UGT1A10: variants seen among roughly 807,000 people sequenced by gnomAD.
UGT1A10 encodes the protein UDP-glucuronosyltransferase 1A10.
Under a neutral mutation model 45.8 loss-of-function variants are expected in UGT1A10, and 49 were observed. The observed-to-expected ratio is 1.07, with a 90% confidence interval of 0.85 to 1.36. The LOEUF is 1.36. Ranked by LOEUF, UGT1A10 falls within the 40% of genes most tolerant of loss-of-function variation. The pLI, the probability that UGT1A10 is intolerant of heterozygous loss-of-function variation, is 0.00. For missense variants in UGT1A10, 745 were observed against 668.6 expected (o/e 1.11, Z -1.26); for synonymous variants, 284 against 249.7 (o/e 1.14, Z -1.29).
chr2:233,649,651 C>CTT (rs1166387556), intron 1 of UGT1A10, among the ~76,000 whole-genome samples: 3 of 152,172 alleles, frequency 2.0e-5, no homozygotes, highest in Non-Finnish European at 4.4e-5. Flanking sequence ...GCATAAAAGT[C>CTT]TTTACTTTGG....
intron 1 of UGT1A10, chr2:233,672,894 A>G (rs1354580302): frequency 6.6e-7 from 1 of 1,513,026 alleles, no homozygotes; most frequent in African/African-American, 1.4e-5. Flanking sequence ...TTTCATTTCA[A>G]ATTTCTTTCC....
rs199947040 is a variant in UGT1A10 at position 233,743,509 on chromosome 2, G to A, written c.856-23525G>A. On this transcript the variant is annotated intron_variant, in intron 1 of 4. Transcript: ENST00000344644. ...GAAGGCAGAGAAAAGGGGTGCAGAC[G>A]CTCTGCTTCTGCTTCCCCAGCAGTT... 3.6e-5 allele frequency: 49 copies of A among 1,367,172 alleles called. 1 individual carries two copies. The South Asian group carries it at 4.7e-4, about 13-fold the overall frequency. The allele number at this position is 1,367,172 out of a possible 1,614,324, so 84.7% of individuals were successfully genotyped here.
chr2:233,716,352 G>C (rs1407267545), intron 1 of UGT1A10, among the ~76,000 whole-genome samples: 1 of 152,166 alleles, frequency 6.6e-6, no homozygotes, highest in African/African-American at 2.4e-5. Context: ...CTACAATGTA[G>C]ATACTTTGTG....
chr2:233,663,577 A>G (rs901861530), intron 1 of UGT1A10, among the ~76,000 whole-genome samples: 2 of 152,208 alleles, frequency 1.3e-5, no homozygotes, highest in Non-Finnish European at 2.9e-5. Flanking sequence ...CGTAACCTCC[A>G]TCTGCATGAA....
chr2:233,720,719 T>G (rs77826548), intron 1 of UGT1A10, among the ~76,000 whole-genome samples: 1 of 151,710 alleles, frequency 6.6e-6, no homozygotes, highest in African/African-American at 2.4e-5. Flanking sequence ...TTTTTTTTTT[T>G]TCTTGAGACT....
At chr2:233,764,036 G>T (rs905956037) in intron 1 of UGT1A10, among the ~76,000 whole-genome samples, 5 of 152,136 alleles carry the variant, frequency 3.3e-5, no homozygotes, top group Non-Finnish European at 7.4e-5. Flanking sequence ...TGCTAAAGAA[G>T]AATTCTGGGA....
At chr2:233,725,746 A>G (rs561123272) in intron 1 of UGT1A10, among the ~76,000 whole-genome samples, 3 of 152,340 alleles carry the variant, frequency 2.0e-5, no homozygotes, top group African/African-American at 7.2e-5. Context: ...AAACATTGTA[A>G]GAGACTTACA....
At chr2:233,715,494 CA>C (rs1394271986) in intron 1 of UGT1A10, among the ~76,000 whole-genome samples, 9 of 152,174 alleles carry the variant, frequency 5.9e-5, no homozygotes, top group African/African-American at 2.2e-4. Context: ...GATTTGTGTG[CA>C]AGTGGGTAGC....
chr2:233,769,657 C>A lies in UGT1A10; in HGVS notation c.1295+1218C>A, dbSNP rs551497641. On this transcript the variant is annotated intron_variant, in intron 4 of 4. Coordinates refer to ENST00000344644, the MANE Select transcript of UGT1A10 (RefSeq NM_019075.4). This position sits in a 1 kb window ranked among gnomAD's most constrained non-coding sequence, Gnocchi z 4.4. ...GGGAGGACTGATGACTGACTTCCCACCTTTGAGGTGCTAATGTGTGTGTGG... is the reference window on the plus strand; with the variant it reads ...GGGAGGACTGATGACTGACTTCCCAACTTTGAGGTGCTAATGTGTGTGTGG... 2.5e-6 allele frequency: 4 copies of A among 1,602,364 alleles called. No individual in the cohort carries two copies. Among genetic ancestry groups the A allele is most frequent in the East Asian group, 4.5e-5 (2 of 44,626 alleles).
intron 1 of UGT1A10, among the ~76,000 whole-genome samples, chr2:233,647,211 C>T (rs1008104215): frequency 3.9e-5 from 6 of 152,142 alleles, no homozygotes; most frequent in African/African-American, 7.2e-5. Flanking sequence ...TTCCATGACA[C>T]GTGGAAATTG....
intron 1 of UGT1A10, among the ~76,000 whole-genome samples, chr2:233,642,012 T>C (rs1321132632): frequency 2.6e-5 from 4 of 152,222 alleles, no homozygotes; most frequent in African/African-American, 9.6e-5. Flanking sequence ...TGCTTGGTGT[T>C]CTCTAGCCTT....
rs1559392013 is a variant in UGT1A10 at position 233,747,291 on chromosome 2, T to C, written c.856-19743T>C. The C allele has an allele frequency of 3.1e-6, 5 of 1,600,838 alleles. No individual in the cohort carries two copies. In the African/African-American group the frequency reaches 4.0e-5, roughly 13 times the overall value. On this transcript the variant is annotated intron_variant, in intron 1 of 4. Transcript: ENST00000344644. ...TCCTTCTCAGTGCCCAGCCCTGGGCTGAGAGTGGGAAGGTGCTGGTGGTAC... is the reference window on the plus strand; with the variant it reads ...TCCTTCTCAGTGCCCAGCCCTGGGCCGAGAGTGGGAAGGTGCTGGTGGTAC...
chr2:233,715,924 G>T (rs1302782144), intron 1 of UGT1A10, among the ~76,000 whole-genome samples: 3 of 152,178 alleles, frequency 2.0e-5, no homozygotes, highest in African/African-American at 7.2e-5. Flanking sequence ...TTGAGCTCAG[G>T]AGTTTCAGCT....
At chr2:233,719,447 A>G (rs2076767544) in intron 1 of UGT1A10, 2 of 1,613,934 alleles carry the variant, frequency 1.2e-6, no homozygotes, top group South Asian at 1.1e-5. Context: ...CATTCCTGCA[A>G]AGGGTCAAGA....
rs1043133002 is a variant in UGT1A10, at chr2:233,769,410, C to T, written c.1295+971C>T. On this transcript the variant is annotated intron_variant, in intron 4 of 4. Transcript: ENST00000344644. This position sits in a 1 kb window ranked among gnomAD's most constrained non-coding sequence, Gnocchi z 4.4. ...GATACTGTGTGCATATGTGCGTGTG[C>T]GTTTGTGCATGTGGCTGTGCTCATG... is the stretch of plus-strand genomic sequence containing the variant. 3.7e-5 allele frequency: 49 copies of T among 1,332,922 alleles called. No homozygotes were observed. The highest frequency in any genetic ancestry group is 1.1e-4 in the Admixed American group (6 of 53,448). The allele number at this position is 1,332,922 out of a possible 1,614,324, so 82.6% of individuals were successfully genotyped here.
intron 1 of UGT1A10, among the ~76,000 whole-genome samples, chr2:233,685,008 C>A (rs982107066): frequency 6.6e-6 from 1 of 152,050 alleles, no homozygotes; most frequent in Admixed American, 6.6e-5. Flanking sequence ...GGTGTTTGTG[C>A]ACGTATGTGT....
intron 1 of UGT1A10, among the ~76,000 whole-genome samples, chr2:233,640,304 C>T (rs990931136): frequency 6.6e-6 from 1 of 151,906 alleles, no homozygotes; most frequent in Admixed American, 6.5e-5. Flanking sequence ...TCATCTATCC[C>T]CTTATTCTGA....
At chr2:233,649,440 G>C (rs752663272) in intron 1 of UGT1A10, among the ~76,000 whole-genome samples, 1 of 152,168 alleles carries the variant, frequency 6.6e-6, no homozygotes, top group Non-Finnish European at 1.5e-5. Flanking sequence ...ACTACCTGCT[G>C]CAGTAAAATG....
Position 233,712,954 on chromosome 2 carries a change from G to T in UGT1A10, c.856-54080G>T, listed in dbSNP as rs367675101. On this transcript the variant is annotated intron_variant, in intron 1 of 4. Coordinates refer to ENST00000344644, the MANE Select transcript of UGT1A10 (RefSeq NM_019075.4). ...AGGAAACAATTCTAGGAGGCACAAC[G>T]TGGGGTGGACAGTCAGCTGTCGGTG... 79 of 1,612,730 alleles carry T rather than the reference G, an allele frequency of 4.9e-5. No individual in the cohort carries two copies. In the African/African-American group the frequency reaches 8.8e-4, roughly 18 times the overall value.
Sources: allele counts gnomAD v4.1 joint callset (sites outside exome capture counted in the v4.1 genomes callset), GRCh38; gene constraint gnomAD v4.1.1; non-coding constraint Gnocchi (gnomAD v3.1); transcripts MANE v1.5; gene names NCBI Gene and HGNC (gene_info 2026-07-23, HGNC 2026-07-21).